Variants in FIGNL2 observed in about 807,000 individuals in gnomAD.
FIGNL2 encodes the protein fidgetin-like protein 2.
For synonymous variants in FIGNL2, 565 were observed against 484.0 expected (o/e 1.17, Z -2.20); for missense variants, 1,060 against 950.2 (o/e 1.12, Z -1.52).
rs765510193 is a variant in FIGNL2, at chr12:51,821,601, G to A, written c.813C>T (p.Asp271=). The A allele has an allele frequency of 3.6e-5, 54 of 1,506,344 alleles. No homozygotes were observed. Among genetic ancestry groups the A allele is most frequent in the Non-Finnish European group, 4.6e-5 (52 of 1,133,628 alleles). The allele number at this position is 1,506,344 out of a possible 1,614,324, so 93.3% of individuals were successfully genotyped here. The change falls in exon 2 of 2, where the codon GAC becomes GAT. Residue 271 remains aspartate (D), a synonymous_variant. Coordinates refer to ENST00000618634, the MANE Select transcript of FIGNL2 (RefSeq NM_001384995.1). ...SGLSLKRKAA[D]EGPEGRYRKY... The stretch of plus-strand genomic sequence containing the variant: ...TGCGGTAGCGGCCCTCGGGCCCCTC[G>A]TCGGCGGCCTTGCGCTTCAGCGACA...
At chr12:51,830,808 A>G (rs565167694) in intron 1 of FIGNL2, among the ~76,000 whole-genome samples, 1 of 151,848 alleles carries the variant, frequency 6.6e-6, no homozygotes, top group Non-Finnish European at 1.5e-5. Flanking sequence ...TTTTTTCTTG[A>G]GACAGAGTCT....
rs1366355853 is a variant in FIGNL2, at chr12:51,822,215, ACTT to A, written c.196_198del (p.Lys66del). 1 of 1,611,626 alleles carries A rather than the reference ACTT, an allele frequency of 6.2e-7. No individual in the cohort carries two copies. The highest frequency in any genetic ancestry group is 8.5e-7 in the Non-Finnish European group (1 of 1,179,034). ...TAGGGAGAATCCAAGACCCCAGAGT[ACTT>A]CTCTGCATAGCGCTTTAGGAGGTTG... On this transcript the variant is annotated inframe_deletion, in exon 2 of 2. Transcript: ENST00000618634.
At chr12:51,834,109 T>TTGGA (rs75418518) in intron 1 of FIGNL2, among the ~76,000 whole-genome samples, 57,233 of 133,838 alleles carry the variant, frequency 0.43, 14,298 homozygotes, top group Admixed American at 0.55. Context: ...GGATGGATGG[T>TTGGA]TGGATGGATG....
rs1473687217 is a variant in FIGNL2 at position 51,822,171 on chromosome 12, G to T, written c.243C>A (p.Gly81=). The T allele has an allele frequency of 6.2e-7, 1 of 1,611,452 alleles. No homozygotes were observed. Residue 81 remains glycine (G), a synonymous_variant, in exon 2 of 2, where the codon GGC becomes GGA. Coordinates refer to ENST00000618634, the MANE Select transcript of FIGNL2 (RefSeq NM_001384995.1). Reference sequence around the variant, plus strand: ...TGAGGAAGGAGGCGTCGCTGTACCCGCCCAGGGCCGGACGCTCGTAGGGAG... The same window carrying T: ...TGAGGAAGGAGGCGTCGCTGTACCCTCCCAGGGCCGGACGCTCGTAGGGAG... The part of the protein sequence containing the change: ...LDSPYERPAL[G]GYSDASFLNG...
chr12:51,823,310 AG>A, intron 1 of FIGNL2: 1 of 152,232 alleles, frequency 6.6e-6, no homozygotes, highest in African/African-American at 2.4e-5. Context: ...TGTGGACCAC[AG>A]ATTTGTCTCT....
chr12:51,829,734 A>C (rs1391973823), intron 1 of FIGNL2, among the ~76,000 whole-genome samples: 1 of 151,934 alleles, frequency 6.6e-6, no homozygotes, highest in African/African-American at 2.4e-5. Flanking sequence ...AGGGAAGAGA[A>C]AACAAAGTGT....
chr12:51,821,586 G>A lies in FIGNL2; in HGVS notation c.828C>T (p.Gly276=). 3 of 1,514,718 alleles carry A rather than the reference G, an allele frequency of 2.0e-6. No individual in the cohort carries two copies. The highest frequency in any genetic ancestry group is 1.4e-5 in the African/African-American group (1 of 69,626). The allele number at this position is 1,514,718 out of a possible 1,614,324, so 93.8% of individuals were successfully genotyped here. The change falls in exon 2 of 2, where the codon GGC becomes GGT. Residue 276 remains glycine (G), a synonymous_variant. Coordinates refer to ENST00000618634, the MANE Select transcript of FIGNL2 (RefSeq NM_001384995.1). ...GCTCGTACGCGTACTTGCGGTAGCG[G>A]CCCTCGGGCCCCTCGTCGGCGGCCT... is the stretch of plus-strand genomic sequence containing the variant. The part of the protein sequence containing the change: ...KRKAADEGPE[G]RYRKYAYEPA...
intron 1 of FIGNL2, chr12:51,845,468 C>CG (rs1939734044): frequency 1.0e-6 from 1 of 985,398 alleles, no homozygotes; most frequent in East Asian, 1.1e-4. Flanking sequence ...CCGCCCCCCC[C>CG]CCACAGTCTC....
chr12:51,822,208 C>T lies in FIGNL2; in HGVS notation c.206G>A (p.Gly69Glu), dbSNP rs777992938. ...LLKRYAEKYS[G>E]VLDSPYERPA... ...ACGCTCGTAGGGAGAATCCAAGACC[C>T]CAGAGTACTTCTCTGCATAGCGCTT... is the stretch of plus-strand genomic sequence containing the variant. Residue 69 changes from glycine (G) to glutamate (E), a missense_variant, in exon 2 of 2, where the codon GGG becomes GAG. By Grantham distance (98) the Gly-to-Glu change is moderately conservative. Coordinates refer to ENST00000618634, the MANE Select transcript of FIGNL2 (RefSeq NM_001384995.1). 7.4e-6 allele frequency: 12 copies of T among 1,611,736 alleles called. No homozygotes were observed. The South Asian group carries it at 1.2e-4, about 16-fold the overall frequency.
intron 1 of FIGNL2, among the ~76,000 whole-genome samples, chr12:51,834,291 G>A (rs1293705239): frequency 4.6e-5 from 7 of 151,914 alleles, no homozygotes; most frequent in Non-Finnish European, 1.0e-4. Flanking sequence ...GTCCAGAAGG[G>A]GCATTTGTGT....
At chr12:51,840,079 C>T (rs1468838481) in intron 1 of FIGNL2, among the ~76,000 whole-genome samples, 2 of 152,226 alleles carry the variant, frequency 1.3e-5, no homozygotes, top group African/African-American at 2.4e-5. Flanking sequence ...AGTCAGTTCC[C>T]CTCCCTGAGG....
At chr12:51,825,641 G>A (rs1939325695) in intron 1 of FIGNL2, among the ~76,000 whole-genome samples, 1 of 146,714 alleles carries the variant, frequency 6.8e-6, no homozygotes, top group African/African-American at 2.5e-5. Context: ...TTTTGAGACG[G>A]AGTCTCGCTC....
At chr12:51,827,383 T>TCC (rs1178728474) in intron 1 of FIGNL2, among the ~76,000 whole-genome samples, 1 of 151,850 alleles carries the variant, frequency 6.6e-6, no homozygotes, top group Non-Finnish European at 1.5e-5. Context: ...TTTCCCCATT[T>TCC]CTATTTGTTT....
At chr12:51,834,270 A>AG (rs1939541967) in intron 1 of FIGNL2, among the ~76,000 whole-genome samples, 1 of 151,826 alleles carries the variant, frequency 6.6e-6, no homozygotes, top group Non-Finnish European at 1.5e-5. Flanking sequence ...AGGAATGGAT[A>AG]GGGGAGGGGA....
At chr12:51,828,099 T>A (rs1208870812) in intron 1 of FIGNL2, among the ~76,000 whole-genome samples, 2 of 152,192 alleles carry the variant, frequency 1.3e-5, no homozygotes, top group Non-Finnish European at 2.9e-5. Context: ...TTCCTGGGCC[T>A]GTGGAAACAG....
rs1224417378 is a variant in FIGNL2 at position 51,821,371 on chromosome 12, A to G, written c.1043T>C (p.Phe348Ser). 1 of 1,506,512 alleles carries G rather than the reference A, an allele frequency of 6.6e-7. No homozygotes were observed. The highest frequency in any genetic ancestry group is 2.1e-5 in the Admixed American group (1 of 47,244). The allele number at this position is 1,506,512 out of a possible 1,614,324, so 93.3% of individuals were successfully genotyped here. Reference sequence around the variant, plus strand: ...ACGAGGAGCCGGGGCCCGCTCCGGGAACTTTTCAAAGGGCTCCAGTTGCGG... The same window carrying G: ...ACGAGGAGCCGGGGCCCGCTCCGGGGACTTTTCAAAGGGCTCCAGTTGCGG... ...YGPQLEPFEK[F>S]PERAPAPRGG... Residue 348 changes from phenylalanine (F) to serine (S), a missense_variant, in exon 2 of 2, where the codon TTC becomes TCC. Physicochemically the swap from Phe to Ser is radical, Grantham distance 155. Coordinates refer to ENST00000618634, the MANE Select transcript of FIGNL2 (RefSeq NM_001384995.1).
Position 51,821,956 on chromosome 12 carries a change from G to C in FIGNL2, c.458C>G (p.Ser153Trp). ...GCCGGCCGCGTACTCGGGCGCCGCC[G>C]ATGGGCCCCCGCACGCATTGCCGGC... ...LYAGNACGGP[S>W]AAPEYAAGYG... is the part of the protein sequence containing the mutation. Residue 153 changes from serine to tryptophan, a missense_variant, in exon 2 of 2, where the codon TCG becomes TGG. Transcript: ENST00000618634. 6.5e-7 allele frequency: 1 copy of C among 1,529,832 alleles called. No individual in the cohort carries two copies. The highest frequency in any genetic ancestry group is 8.8e-7 in the Non-Finnish European group (1 of 1,138,486). The allele number at this position is 1,529,832 out of a possible 1,614,324, so 94.8% of individuals were successfully genotyped here.
chr12:51,821,521 G>A lies in FIGNL2; in HGVS notation c.893C>T (p.Ala298Val). The change falls in exon 2 of 2, where the codon GCC becomes GTC. Residue 298 changes from alanine (A) to valine (V), a missense_variant. Transcript: ENST00000618634. ...APVADGASYP[A>V]ADNGECRGNG... is the part of the protein sequence containing the mutation. ...GCCCCGACATTCGCCGTTGTCCGCG[G>A]CGGGGTAGGAGGCTCCGTCAGCCAC... 1 of 1,569,936 alleles carries A rather than the reference G, an allele frequency of 6.4e-7. No individual in the cohort carries two copies. The highest frequency in any genetic ancestry group is 2.4e-5 in the East Asian group (1 of 42,202).
In FIGNL2 at chr12:51,820,122, G is replaced by A. The variant is rs937765843; in HGVS notation, c.*330C>T. ...GAGGGTGCCATTCAGATAGCGAGGA[G>A]ACAAAAGCGTTGTGGCAAGAGAGCA... On this transcript the variant is annotated 3_prime_UTR_variant, in exon 2 of 2. Transcript: ENST00000618634. 2.3e-5 allele frequency: 8 copies of A among 343,180 alleles called. No individual in the cohort carries two copies. The highest frequency in any genetic ancestry group is 4.3e-5 in the Non-Finnish European group (8 of 186,842). 21.3% of individuals were successfully genotyped at this position (343,180 alleles called of 1,614,324 possible). A position where few individuals can be genotyped will look rare whatever the true frequency, so the allele number is the denominator to read the frequency against.
Sources: allele counts gnomAD v4.1 joint callset (sites outside exome capture counted in the v4.1 genomes callset), GRCh38; gene constraint gnomAD v4.1.1; transcripts MANE v1.5; gene names NCBI Gene and HGNC (gene_info 2026-07-23, HGNC 2026-07-21).